The following LRRC4C variants were observed in gnomAD, a reference collection of about 807,000 sequenced individuals.
The protein encoded by LRRC4C is leucine rich repeat containing 4C, also known as leucine-rich repeat-containing protein 4C.
LRRC4C carries 5 observed loss-of-function variants against 33.6 expected under a neutral mutation model. That is an observed-to-expected ratio of 0.15 (90% CI 0.08 to 0.31). LRRC4C has a LOEUF of 0.31. Among genes scored for constraint, LRRC4C ranks in the 10% least tolerant of loss-of-function variants. The probability of loss-of-function intolerance (pLI) is 1.00; values close to 1 mark genes in which losing one functional copy is unlikely to be tolerated. For synonymous variants in LRRC4C, 329 were observed against 302.0 expected, an observed-to-expected ratio of 1.09 and a Z score of -0.93; for missense variants, 560 against 796.7, an observed-to-expected ratio of 0.70 and a Z score of 3.58.
intron 1 of LRRC4C, among the ~76,000 whole-genome samples, chr11:40,949,085 T>C (rs1185327954): frequency 1.3e-5 from 2 of 151,868 alleles, no homozygotes; most frequent in East Asian, 3.9e-4. Flanking sequence ...TGATATCTCA[T>C]TGTGGTTTTG....
chr11:40,419,928 G>C (rs1362377734), intron 3 of LRRC4C, among the ~76,000 whole-genome samples: 1 of 152,174 alleles, frequency 6.6e-6, no homozygotes, highest in Non-Finnish European at 1.5e-5. Flanking sequence ...GTGAACTTCT[G>C]ATGAATCTAC....
At chr11:40,647,921 C>G (rs192065415) in intron 3 of LRRC4C, among the ~76,000 whole-genome samples, 17 of 152,222 alleles carry the variant, frequency 1.1e-4, no homozygotes, top group Non-Finnish European at 2.1e-4. Context: ...AACTTTTTCC[C>G]CCTGCTTTCT....
chr11:41,224,599 A>ATGAC (rs1275028073), intron 1 of LRRC4C, among the ~76,000 whole-genome samples: 5 of 152,156 alleles, frequency 3.3e-5, no homozygotes, highest in African/African-American at 1.2e-4. Flanking sequence ...ATTTGATCCA[A>ATGAC]TGACTCCTTT....
intron 3 of LRRC4C, among the ~76,000 whole-genome samples, chr11:40,460,177 A>C (rs1952326151): frequency 6.6e-6 from 1 of 152,088 alleles, no homozygotes; most frequent in African/African-American, 2.4e-5. Flanking sequence ...CAGCCACTTA[A>C]ATTGAGTTTT....
At chr11:41,355,763 A>G (rs1452387220) in intron 1 of LRRC4C, among the ~76,000 whole-genome samples, 3 of 152,100 alleles carry the variant, frequency 2.0e-5, no homozygotes, top group Admixed American at 2.0e-4. Context: ...AAATATTGAC[A>G]ATTTCATACA....
intron 1 of LRRC4C, among the ~76,000 whole-genome samples, chr11:41,058,870 T>C (rs1277879822): frequency 6.6e-6 from 1 of 151,994 alleles, no homozygotes; most frequent in Non-Finnish European, 1.5e-5. Context: ...TCGAATATTA[T>C]GCAGCCATAA....
intron 5 of LRRC4C, among the ~76,000 whole-genome samples, chr11:40,163,096 G>T (rs1440336630): frequency 6.6e-6 from 1 of 152,178 alleles, no homozygotes; most frequent in Non-Finnish European, 1.5e-5. Context: ...ACAGAGCCAA[G>T]CAAGAAAATT....
intron 5 of LRRC4C, among the ~76,000 whole-genome samples, chr11:40,193,547 T>C (rs1172491708): frequency 6.6e-6 from 1 of 151,976 alleles, no homozygotes; most frequent in Non-Finnish European, 1.5e-5. Flanking sequence ...ATGCCTCTTC[T>C]CCTCCAAAGG....
At chr11:40,910,629 A>G (rs1328601854) in intron 2 of LRRC4C, among the ~76,000 whole-genome samples, 1 of 152,230 alleles carries the variant, frequency 6.6e-6, no homozygotes, top group Non-Finnish European at 1.5e-5. Flanking sequence ...TGAGCAACAC[A>G]GAAGAATGAT....
At position 41,446,079 on chromosome 11, in the gene LRRC4C, T is replaced by C. The variant is rs1170785099; in HGVS notation, c.-496+13352A>G. Among the ~76,000 whole-genome samples the C allele has an allele frequency of 8.5e-5, 13 of 152,252 alleles. No homozygotes were observed. In the East Asian group the frequency reaches 2.5e-3, roughly 29 times the overall value. ...TAACGTTAAAACAAGTGAAAGTGAATGAAGGTCAAGCTCCCAATTAGCAAA... is the reference window on the plus strand; with the variant it reads ...TAACGTTAAAACAAGTGAAAGTGAACGAAGGTCAAGCTCCCAATTAGCAAA... On this transcript the variant is annotated intron_variant, in intron 1 of 6. Coordinates refer to ENST00000528697, the MANE Select transcript of LRRC4C (RefSeq NM_001258419.2).
At chr11:41,193,881 TA>T (rs1170886342) in intron 1 of LRRC4C, among the ~76,000 whole-genome samples, 1 of 151,980 alleles carries the variant, frequency 6.6e-6, no homozygotes, top group Non-Finnish European at 1.5e-5. Context: ...TAGTACAATA[TA>T]AAAACATTTT....
chr11:41,333,972 T>C (rs1300384101), intron 1 of LRRC4C, among the ~76,000 whole-genome samples: 1 of 152,102 alleles, frequency 6.6e-6, no homozygotes, highest in Non-Finnish European at 1.5e-5. Flanking sequence ...TCTCAGAGGG[T>C]TGTTTTCTAG....
intron 1 of LRRC4C, among the ~76,000 whole-genome samples, chr11:40,944,206 A>G (rs2136630191): frequency 6.6e-6 from 1 of 152,342 alleles, no homozygotes; most frequent in South Asian, 2.1e-4. Flanking sequence ...TTAAGATTTC[A>G]TCACTAATAT....
intron 3 of LRRC4C, among the ~76,000 whole-genome samples, chr11:40,626,999 G>A (rs1210103597): frequency 1.3e-5 from 2 of 149,762 alleles, no homozygotes; most frequent in Admixed American, 6.7e-5. Context: ...ACCAGTTAGA[G>A]TTCTTATTCT....
intron 1 of LRRC4C, among the ~76,000 whole-genome samples, chr11:40,968,362 G>A (rs10837535): frequency 0.23 from 35,357 of 152,052 alleles, 4,498 homozygotes; most frequent in Middle Eastern, 0.32. Context: ...AGCAGCAAGC[G>A]CTAATGTAGA....
intron 3 of LRRC4C, among the ~76,000 whole-genome samples, chr11:40,631,400 C>A (rs1221351891): frequency 6.6e-6 from 1 of 152,048 alleles, no homozygotes; most frequent in Non-Finnish European, 1.5e-5. Flanking sequence ...TGTTTGGGGC[C>A]AGAGTCACTT....
At chr11:40,708,874 T>G (rs1325893704) in intron 2 of LRRC4C, among the ~76,000 whole-genome samples, 2 of 152,166 alleles carry the variant, frequency 1.3e-5, no homozygotes, top group African/African-American at 4.8e-5. Context: ...AGGACTTGCT[T>G]TATGAATCTG....
intron 6 of LRRC4C, among the ~76,000 whole-genome samples, chr11:40,133,222 G>A (rs776699478): frequency 6.6e-6 from 1 of 152,102 alleles, no homozygotes; most frequent in Non-Finnish European, 1.5e-5. Context: ...GCCTTTATAG[G>A]TTGAAAACAA....
intron 2 of LRRC4C, among the ~76,000 whole-genome samples, chr11:40,748,201 C>T (rs754625363): frequency 4.6e-5 from 7 of 152,000 alleles, no homozygotes; most frequent in African/African-American, 7.2e-5. Context: ...GTTAGAATAA[C>T]GGCAGTTTTC....
Sources: allele counts gnomAD v4.1 joint callset (sites outside exome capture counted in the v4.1 genomes callset), GRCh38; gene constraint gnomAD v4.1.1; transcripts MANE v1.5; gene names NCBI Gene and HGNC (gene_info 2026-07-23, HGNC 2026-07-21).